Variants in HELZ observed in about 807,000 individuals in gnomAD.
The protein encoded by HELZ is helicase with zinc finger.
HELZ carries 23 observed loss-of-function variants against 218.2 expected under a neutral mutation model. The ratio of observed to expected loss-of-function variants is 0.11; its 90% CI spans 0.08 to 0.15. The LOEUF (loss-of-function observed/expected upper bound fraction) is 0.15. HELZ is among the 10% of genes least tolerant of loss of function. The pLI is 1.00. For synonymous variants in HELZ, 814 were observed against 829.4 expected (o/e 0.98, Z 0.32); for missense variants, 1,813 against 2,353.7 (o/e 0.77, Z 4.75).
At chr17:67,208,674 T>C (rs2040368067) in intron 5 of HELZ, among the ~76,000 whole-genome samples, 1 of 152,016 alleles carries the variant, frequency 6.6e-6, no homozygotes, top group African/African-American at 2.4e-5. Context: ...CCCAACACTT[T>C]GGGAGGCCAA....
At chr17:67,122,762 C>A (rs1268216004) in intron 26 of HELZ, among the ~76,000 whole-genome samples, 2 of 152,030 alleles carry the variant, frequency 1.3e-5, no homozygotes, top group Admixed American at 1.3e-4. Flanking sequence ...ATTATAATTT[C>A]TTCACAGTCA....
intron 14 of HELZ, 109 bp from the exon 15 acceptor site, chr17:67,166,717 T>G: frequency 4.6e-6 from 4 of 874,700 alleles, no homozygotes; most frequent in Non-Finnish European, 7.2e-6. Context: ...AGTTTAGAGA[T>G]TCTTTTAAAG....
intron 31 of HELZ, among the ~76,000 whole-genome samples, chr17:67,103,644 T>TA (rs1429476703): frequency 1.3e-5 from 2 of 152,224 alleles, no homozygotes; most frequent in African/African-American, 2.4e-5. Flanking sequence ...GAAGACTTAA[T>TA]ATTGTTAAGG....
At chr17:67,220,113 C>T (rs2040705571) in intron 3 of HELZ, among the ~76,000 whole-genome samples, 1 of 152,186 alleles carries the variant, frequency 6.6e-6, no homozygotes, top group Non-Finnish European at 1.5e-5. Flanking sequence ...TTCCGCCTGC[C>T]TCCAGCCTAC....
intron 17 of HELZ, among the ~76,000 whole-genome samples, chr17:67,159,327 C>T (rs1359251709): frequency 6.6e-6 from 1 of 152,014 alleles, no homozygotes; most frequent in Non-Finnish European, 1.5e-5. Context: ...TAATGGGTCA[C>T]ACCACTTTTT....
intron 8 of HELZ, among the ~76,000 whole-genome samples, chr17:67,194,588 G>C (rs1048441414): frequency 2.4e-4 from 37 of 152,114 alleles, no homozygotes; most frequent in Non-Finnish European, 5.0e-4. Context: ...TTCTGAGATA[G>C]GAGCTAAAAA....
intron 21 of HELZ, among the ~76,000 whole-genome samples, chr17:67,140,826 G>T (rs1770749422): frequency 6.6e-6 from 1 of 152,074 alleles, no homozygotes. Flanking sequence ...CTTGAAAACA[G>T]CAGGAGAAAA....
intron 26 of HELZ, 21 bp from the exon 27 acceptor site, chr17:67,120,633 A>C: frequency 1.3e-6 from 2 of 1,562,886 alleles, no homozygotes; most frequent in Non-Finnish European, 1.8e-6. Flanking sequence ...AAAAAATAAA[A>C]TACATGCATT....
chr17:67,136,266 T>C (rs779484075), intron 22 of HELZ, 68 bp from the exon 23 acceptor site: 155 of 1,060,286 alleles, frequency 1.5e-4, no homozygotes, highest in East Asian at 4.1e-4. Context: ...AATAAAAGCA[T>C]TGCATTTTTT....
chr17:67,189,435 T>C (rs1437924314), intron 11 of HELZ, among the ~76,000 whole-genome samples, 154 bp downstream of exon 11: 4 of 152,290 alleles, frequency 2.6e-5, no homozygotes, highest in Non-Finnish European at 5.9e-5. Flanking sequence ...ATGATCAAAG[T>C]ACAGAAATAT....
chr17:67,107,066 C>T, intron 31 of HELZ, 103 bp downstream of exon 31: 2 of 1,065,434 alleles, frequency 1.9e-6, no homozygotes, highest in Non-Finnish European at 2.7e-6. Flanking sequence ...CTTTAATACG[C>T]TGTTAAATTC....
intron 5 of HELZ, among the ~76,000 whole-genome samples, chr17:67,206,406 G>A (rs2040297998): frequency 6.6e-6 from 1 of 152,176 alleles, no homozygotes; most frequent in Non-Finnish European, 1.5e-5. Flanking sequence ...TCATTCAACT[G>A]TTTTAGCAAA....
At chr17:67,122,087 A>G (rs1182633016) in intron 26 of HELZ, among the ~76,000 whole-genome samples, 1 of 152,230 alleles carries the variant, frequency 6.6e-6, no homozygotes, top group African/African-American at 2.4e-5. Context: ...ACAAATTAAG[A>G]TTACAATTAA....
In HELZ at chr17:67,151,019, G is replaced by C. The variant is rs749231548; in HGVS notation, c.2356+27C>G. On this transcript the variant is annotated intron_variant, in intron 18 of 32. Transcript: ENST00000358691. The stretch of plus-strand genomic sequence containing the variant: ...AACTGAATTCATAAGCCCTAAACTT[G>C]TGAGACTGTGTCTTGAGTCAGCATA... 3 of 1,602,602 alleles carry C rather than the reference G, an allele frequency of 1.9e-6. No homozygotes were observed. In the East Asian group the frequency reaches 6.7e-5, roughly 36 times the overall value.
chr17:67,087,955 T>C lies in HELZ; in HGVS notation c.5242-874A>G, dbSNP rs574848355. Among the ~76,000 whole-genome samples, 3 of 152,338 alleles carry C rather than the reference T, an allele frequency of 2.0e-5. No individual in the cohort carries two copies. In the South Asian group the frequency reaches 6.2e-4, roughly 32 times the overall value. On this transcript the variant is annotated intron_variant, in intron 31 of 32. Coordinates refer to ENST00000358691, the MANE Select transcript of HELZ (RefSeq NM_014877.4). ...TTAGGTATCAGCCTCCATCTAAGGCTAGACTGTCTGGGTTAGACTTCAGGC... is the reference window on the plus strand; with the variant it reads ...TTAGGTATCAGCCTCCATCTAAGGCCAGACTGTCTGGGTTAGACTTCAGGC...
rs1286144367 is a variant in HELZ at position 67,073,046 on chromosome 17, A to G, written c.*5206T>C. 1 of 152,226 alleles carries G rather than the reference A, an allele frequency of 6.6e-6. No individual in the cohort carries two copies. The allele number at this position is 152,226 out of a possible 1,614,324, so 9.4% of individuals were successfully genotyped here. On this transcript the variant is annotated 3_prime_UTR_variant, in exon 33 of 33. Coordinates refer to ENST00000358691, the MANE Select transcript of HELZ (RefSeq NM_014877.4). ...GCTGAAGTTTGAGAACCATTGCTCCATCCTGTTCACAATTCTCAAATCTTA... is the reference window on the plus strand; with the variant it reads ...GCTGAAGTTTGAGAACCATTGCTCCGTCCTGTTCACAATTCTCAAATCTTA...
At chr17:67,126,624 G>A (rs1254508844) in intron 24 of HELZ, among the ~76,000 whole-genome samples, 5 of 152,066 alleles carry the variant, frequency 3.3e-5, no homozygotes, top group East Asian at 1.9e-4. Context: ...CAAGGCAGGC[G>A]GATCACTTGA....
Position 67,206,911 on chromosome 17 carries a change from G to GT in HELZ, c.248-3469dup, listed in dbSNP as rs533232611. Among the ~76,000 whole-genome samples the GT allele has an allele frequency of 4.9e-3, 691 of 139,830 alleles. 7 individuals carry two copies. Among genetic ancestry groups the GT allele is most frequent in the African/African-American group, 0.017 (647 of 37,380 alleles). The allele number at this position is 139,830 out of a possible 152,430, so 91.7% of individuals were successfully genotyped here. A position where few individuals can be genotyped will look rare whatever the true frequency, so the allele number is the denominator to read the frequency against. On this transcript the variant is annotated intron_variant, in intron 5 of 32. Transcript: ENST00000358691. ...ACTATGCCGGGTTTTTTTGTTTTTTGTTTTTTTGGGTTTTTTTTGAGACAG... is the reference window on the plus strand; with the variant it reads ...ACTATGCCGGGTTTTTTTGTTTTTTGTTTTTTTTGGGTTTTTTTTGAGACAG...
At chr17:67,160,680 A>T (rs1032027475) in intron 16 of HELZ, among the ~76,000 whole-genome samples, 1 of 152,208 alleles carries the variant, frequency 6.6e-6, no homozygotes, top group Non-Finnish European at 1.5e-5. Context: ...CTATTTTAAA[A>T]CTTACTGTCT....
Sources: gnomAD v4.1 joint callset for allele counts (sites outside exome capture counted in the v4.1 genomes callset) on GRCh38, gnomAD v4.1.1 for gene constraint, MANE v1.5 for transcripts, NCBI Gene and HGNC (gene_info 2026-07-23, HGNC 2026-07-21) for gene names.